The following PALS1 variants were observed in gnomAD, a reference collection of about 807,000 sequenced individuals.
The protein encoded by PALS1 is protein associated with LIN7 1, MAGUK p55 family member.
PALS1 carries 31 observed loss-of-function variants against 78.9 expected under a neutral mutation model. That is an observed-to-expected ratio of 0.39 (90% CI 0.30 to 0.53). The LOEUF is 0.53. Among genes scored for constraint, PALS1 ranks in the 20% least tolerant of loss-of-function variants. PALS1 has a pLI of 0.67. For missense variants in PALS1, 704 were observed against 826.5 expected, an observed-to-expected ratio of 0.85 and a Z score of 1.82; for synonymous variants, 276 against 270.9, an observed-to-expected ratio of 1.02 and a Z score of -0.18.
chr14:67,253,530 A>T (rs1472507013), intron 1 of PALS1, among the ~76,000 whole-genome samples: 1 of 152,186 alleles, frequency 6.6e-6, no homozygotes, highest in East Asian at 1.9e-4. Flanking sequence ...TTCACTACAC[A>T]TTTTTAAATA....
intron 3 of PALS1, chr14:67,280,120 G>A (rs2084581796): frequency 6.6e-6 from 1 of 152,196 alleles, no homozygotes; most frequent in Non-Finnish European, 1.5e-5. Flanking sequence ...AATGGATTTT[G>A]AGAACTCTGG....
At chr14:67,285,087 C>T (rs1462721090) in intron 3 of PALS1, among the ~76,000 whole-genome samples, 2 of 152,070 alleles carry the variant, frequency 1.3e-5, no homozygotes, top group Non-Finnish European at 2.9e-5. Context: ...GATGTAATTT[C>T]CTCCTACTTA....
intron 1 of PALS1, among the ~76,000 whole-genome samples, chr14:67,259,302 T>TG (rs1567505189): frequency 6.6e-6 from 1 of 151,992 alleles, no homozygotes; most frequent in African/African-American, 2.4e-5. Context: ...TAAAAAATAA[T>TG]GGACTACTTT....
chr14:67,320,785 G>A (rs1478160112), intron 12 of PALS1, among the ~76,000 whole-genome samples: 1 of 152,114 alleles, frequency 6.6e-6, no homozygotes, highest in African/African-American at 2.4e-5. Context: ...GAGTAGTAGT[G>A]TTTTAAATGC....
chr14:67,296,388 CAGG>C (rs2140856421), intron 4 of PALS1, among the ~76,000 whole-genome samples: 1 of 152,010 alleles, frequency 6.6e-6, no homozygotes, highest in African/African-American at 2.4e-5. Flanking sequence ...ATCACGAGGT[CAGG>C]AGATCGAGAC....
chr14:67,289,611 C>T (rs1477269550), intron 3 of PALS1, among the ~76,000 whole-genome samples: 1 of 151,896 alleles, frequency 6.6e-6, no homozygotes, highest in Admixed American at 6.6e-5. Flanking sequence ...AGATAGCGAA[C>T]CTCAAGAATC....
At chr14:67,299,870 A>T (rs1334819152) in intron 4 of PALS1, among the ~76,000 whole-genome samples, 2 of 152,210 alleles carry the variant, frequency 1.3e-5, no homozygotes, top group Non-Finnish European at 2.9e-5. Context: ...TACATTTTTA[A>T]TCCAGAATTA....
At chr14:67,317,587 G>A (rs982900012) in intron 11 of PALS1, 108 bp downstream of exon 11, 3 of 673,850 alleles carry the variant, frequency 4.5e-6, no homozygotes, top group Non-Finnish European at 4.8e-6. Context: ...TCATTTAGTA[G>A]AAAGTATTTT....
chr14:67,308,314 C>CTT lies in PALS1; in HGVS notation c.1042-4200_1042-4199dup, dbSNP rs34145010. On this transcript the variant is annotated intron_variant, in intron 8 of 14. Transcript: ENST00000261681. The stretch of plus-strand genomic sequence containing the variant: ...ATAGAAAAGGGAAAAACCAAACTTC[C>CTT]TTTTTTTTTTTTTTCTTTTTTTTCT... 2.9e-5 allele frequency among the ~76,000 whole-genome samples: 4 copies of CTT among 139,486 alleles called. 1 individual carries two copies. The highest frequency in any genetic ancestry group is 4.5e-4 in the South Asian group (2 of 4,454). 91.5% of individuals were successfully genotyped at this position (139,486 alleles called of 152,430 possible). A position where few individuals can be genotyped will look rare whatever the true frequency, so the allele number is the denominator to read the frequency against.
intron 14 of PALS1, among the ~76,000 whole-genome samples, chr14:67,327,298 A>G (rs1203717362): frequency 6.6e-6 from 1 of 152,154 alleles, no homozygotes; most frequent in Non-Finnish European, 1.5e-5. Context: ...TTGCCGGATC[A>G]AGTGAGGTAA....
chr14:67,332,764 T>C lies in PALS1; in HGVS notation c.1852-16T>C, dbSNP rs1046619772. 1.3e-6 allele frequency: 2 copies of C among 1,597,102 alleles called. No individual in the cohort carries two copies. The highest frequency in any genetic ancestry group is 3.4e-5 in the Admixed American group (2 of 58,962). ...AGGAAAGGAATTATCTCACAGTTTT[T>C]ATCTTCTGTTTGCAGCCTGAAGAGT... is the stretch of plus-strand genomic sequence containing the variant. On this transcript the variant is annotated splice_polypyrimidine_tract_variant and intron_variant, in intron 14 of 14. Transcript: ENST00000261681.
At chr14:67,263,066 C>A (rs749819837) in intron 1 of PALS1, among the ~76,000 whole-genome samples, 2 of 152,124 alleles carry the variant, frequency 1.3e-5, no homozygotes, top group Non-Finnish European at 2.9e-5. Flanking sequence ...ATCCTTGATA[C>A]TCTTTAGCTT....
intron 4 of PALS1, among the ~76,000 whole-genome samples, chr14:67,298,247 T>C (rs2140871417): frequency 6.6e-6 from 1 of 152,232 alleles, no homozygotes; most frequent in South Asian, 2.1e-4. Flanking sequence ...TTTAGTAATT[T>C]ATTAGTATCA....
intron 1 of PALS1, among the ~76,000 whole-genome samples, chr14:67,264,627 A>C (rs2084290690): frequency 6.6e-6 from 1 of 152,208 alleles, no homozygotes; most frequent in African/African-American, 2.4e-5. Flanking sequence ...TTTTTTAATA[A>C]AATTTGTAAA....
chr14:67,273,397 T>C (rs1371265276), intron 2 of PALS1, among the ~76,000 whole-genome samples: 1 of 151,868 alleles, frequency 6.6e-6, no homozygotes, highest in South Asian at 2.1e-4. Flanking sequence ...CTTGTGAAAA[T>C]TTGCTCAGAA....
In PALS1 at chr14:67,279,356, A is replaced by G. The variant is rs1291055793; in HGVS notation, c.186A>G (p.Gln62=). The G allele has an allele frequency of 5.0e-6, 8 of 1,613,900 alleles. No homozygotes were observed. Among genetic ancestry groups the G allele is most frequent in the East Asian group, 2.2e-5 (1 of 44,888 alleles). Residue 62 remains glutamine (Q), a synonymous_variant, in exon 3 of 15, where the codon CAA becomes CAG. Transcript: ENST00000261681. ...RSAQLERIRQ[Q]QEDMRRRREE... is the part of the protein sequence containing the mutation. ...CACAGTTGGAGCGTATTCGGCAACA[A>G]CAGGAGGACATGAGGCGTAGGAGAG...
In PALS1 at chr14:67,279,020, T is replaced by A; in HGVS notation, c.-151T>A. On this transcript the variant is annotated splice_region_variant and 5_prime_UTR_variant, in exon 3 of 15. Transcript: ENST00000261681. ...TTCCCCCCCATCTTTCCCCTTAGAT[T>A]TCCTTCATGGATACTTTTTCATAGC... The A allele has an allele frequency of 1.4e-6, 1 of 724,270 alleles. No individual in the cohort carries two copies. Among genetic ancestry groups the A allele is most frequent in the Non-Finnish European group, 2.0e-6 (1 of 489,876 alleles). 44.9% of individuals were successfully genotyped at this position (724,270 alleles called of 1,614,324 possible).
chr14:67,272,824 A>G (rs2084428909), intron 2 of PALS1, among the ~76,000 whole-genome samples: 1 of 152,004 alleles, frequency 6.6e-6, no homozygotes, highest in Non-Finnish European at 1.5e-5. Flanking sequence ...ATGGCTGGAT[A>G]ATTTTTAAAT....
chr14:67,275,604 C>T (rs187587333), intron 2 of PALS1, among the ~76,000 whole-genome samples: 224 of 152,070 alleles, frequency 1.5e-3, no homozygotes, highest in Middle Eastern at 3.4e-3. Context: ...TGTCTCTGCC[C>T]GGCTTTGGTA....
Sources: allele counts gnomAD v4.1 joint callset (sites outside exome capture counted in the v4.1 genomes callset), GRCh38; gene constraint gnomAD v4.1.1; transcripts MANE v1.5; gene names NCBI Gene and HGNC (gene_info 2026-07-23, HGNC 2026-07-21).